LMNTD1: variants seen among roughly 807,000 people sequenced by gnomAD.
LMNTD1 encodes the protein lamin tail domain containing 1.
LMNTD1 carries 35 observed loss-of-function variants against 50.9 expected under a neutral mutation model. The observed-to-expected ratio is 0.69, with a 90% CI of 0.53 to 0.91. The LOEUF (loss-of-function observed/expected upper bound fraction) is 0.91. Ranked by LOEUF, LMNTD1 falls within the 40% of genes least tolerant of loss-of-function variation. LMNTD1 has a pLI of 0.00. For synonymous variants in LMNTD1, 153 were observed against 161.9 expected, an observed-to-expected ratio of 0.94 and a Z score of 0.42; for missense variants, 470 against 475.5, an observed-to-expected ratio of 0.99 and a Z score of 0.11.
rs544707839 is a variant in LMNTD1, at chr12:25,613,463, C to T, written c.58+35031G>A. On this transcript the variant is annotated intron_variant, in intron 1 of 7. Transcript: ENST00000445693. ...ATCTACTTCTTGCAGTTGTTATGAGCATTATATGGCATAAATTACACAAAA... is the reference window on the plus strand; with the variant it reads ...ATCTACTTCTTGCAGTTGTTATGAGTATTATATGGCATAAATTACACAAAA... 1.1e-4 allele frequency among the ~76,000 whole-genome samples: 17 copies of T among 152,246 alleles called. No homozygotes were observed. The East Asian group carries it at 2.1e-3, about 19-fold the overall frequency.
Position 25,552,866 on chromosome 12 carries a change from C to T in LMNTD1, c.89+5G>A. ...TCTGCTTCCATCGCATCTATGCATG[C>T]TCACTGTTTTTGTTTCTCATTCTTA... On this transcript the variant is annotated splice_donor_5th_base_variant and intron_variant, in intron 2 of 9. Transcript: ENST00000458174. The T allele has an allele frequency of 6.6e-7, 1 of 1,504,194 alleles. No individual in the cohort carries two copies. The highest frequency in any genetic ancestry group is 9.1e-7 in the Non-Finnish European group (1 of 1,103,702). The allele number at this position is 1,504,194 out of a possible 1,614,324, so 93.2% of individuals were successfully genotyped here.
intron 1 of LMNTD1, among the ~76,000 whole-genome samples, chr12:25,646,728 G>A (rs11829658): frequency 0.035 from 5,358 of 152,310 alleles, 355 homozygotes; most frequent in African/African-American, 0.12. Context: ...TCTAACAGTA[G>A]TAAGCTGCCA....
At chr12:25,558,480 G>A (rs781384675) in intron 1 of LMNTD1, among the ~76,000 whole-genome samples, 36 of 152,038 alleles carry the variant, frequency 2.4e-4, no homozygotes, top group Non-Finnish European at 4.1e-4. Flanking sequence ...TCCATTATTT[G>A]TTTCAAGAAA....
At chr12:25,516,223 T>G (rs1024371257) in intron 8 of LMNTD1, among the ~76,000 whole-genome samples, 1 of 152,102 alleles carries the variant, frequency 6.6e-6, no homozygotes, top group African/African-American at 2.4e-5. Context: ...TACTGAAAAT[T>G]AACTGAATGG....
rs200294602 is a variant in LMNTD1, at chr12:25,508,404, T to C, written c.1190-4604A>G. 1.3e-3 allele frequency among the ~76,000 whole-genome samples: 194 copies of C among 152,324 alleles called. 1 individual carries two copies. The highest frequency in any genetic ancestry group is 4.5e-3 in the African/African-American group (187 of 41,578). On this transcript the variant is annotated intron_variant, in intron 8 of 9. Transcript: ENST00000458174. ...AATACACATTCCTTTTTGTCTGACA[T>C]TTCTTGTTCAATAGTATGCTTATGA...
At chr12:25,617,963 G>A (rs1052278493) in intron 1 of LMNTD1, among the ~76,000 whole-genome samples, 2 of 152,108 alleles carry the variant, frequency 1.3e-5, no homozygotes. Context: ...AGGTGTCGTT[G>A]TTGTCCCCAT....
intron 2 of LMNTD1, 78 bp downstream of exon 2, chr12:25,552,791 CAA>C (rs1352663708): frequency 1.5e-5 from 13 of 841,254 alleles, no homozygotes; most frequent in Non-Finnish European, 2.3e-5. Context: ...AGTATTGAAA[CAA>C]AAGAGGTCAA....
chr12:25,595,723 C>A (rs545786414), intron 1 of LMNTD1, among the ~76,000 whole-genome samples: 3 of 151,888 alleles, frequency 2.0e-5, no homozygotes, highest in South Asian at 2.1e-4. Flanking sequence ...AGGAAATAAC[C>A]AACATCACAG....
intron 1 of LMNTD1, among the ~76,000 whole-genome samples, chr12:25,582,900 T>G (rs1265139543): frequency 6.6e-6 from 1 of 152,172 alleles, no homozygotes; most frequent in Non-Finnish European, 1.5e-5. Context: ...CAGGCTGGAG[T>G]GCAGTAGCAC....
intron 1 of LMNTD1, among the ~76,000 whole-genome samples, chr12:25,586,939 G>A (rs76420257): frequency 0.019 from 2,945 of 152,232 alleles, 69 homozygotes; most frequent in African/African-American, 0.06. Context: ...CTTCTCTGTA[G>A]CTTCATCTCT....
chr12:25,489,116 CAGT>C (rs1938779528), intron 9 of LMNTD1, among the ~76,000 whole-genome samples: 1 of 152,046 alleles, frequency 6.6e-6, no homozygotes, highest in South Asian at 2.1e-4. Context: ...GTGGAGCCTA[CAGT>C]GGCAGGCAGG....
At chr12:25,557,731 AC>A, upstream of LMNTD1, among the ~76,000 whole-genome samples, 1 of 152,326 alleles carries the variant, frequency 6.6e-6, no homozygotes, top group East Asian at 1.9e-4. Flanking sequence ...TTATGAAATC[AC>A]AACCACCAGC....
At chr12:25,603,439 T>A (rs563726359) in intron 1 of LMNTD1, among the ~76,000 whole-genome samples, 2 of 152,154 alleles carry the variant, frequency 1.3e-5, no homozygotes, top group South Asian at 4.1e-4. Context: ...AGAACCAATT[T>A]GACATTGGTA....
rs114779330 is a variant in LMNTD1 at position 25,615,754 on chromosome 12, C to T, written c.58+32740G>A. Among the ~76,000 whole-genome samples the T allele has an allele frequency of 3.6e-3, 554 of 152,256 alleles. 5 individuals carry two copies. Among genetic ancestry groups the T allele is most frequent in the African/African-American group, 0.013 (528 of 41,542 alleles). On this transcript the variant is annotated intron_variant, in intron 1 of 7. Coordinates refer to the LMNTD1 transcript ENST00000445693. ...GGGACTACAGGTGTGAGCCATGGCGCCCAGCCTAGTGTCATAAATTATTTC... is the reference window on the plus strand; with the variant it reads ...GGGACTACAGGTGTGAGCCATGGCGTCCAGCCTAGTGTCATAAATTATTTC...
chr12:25,606,695 G>T (rs1294409682), intron 1 of LMNTD1, among the ~76,000 whole-genome samples: 2 of 152,168 alleles, frequency 1.3e-5, no homozygotes, highest in African/African-American at 4.8e-5. Flanking sequence ...CTTGATCATG[G>T]TGGATAAGCT....
chr12:25,612,306 A>G, intron 1 of LMNTD1, among the ~76,000 whole-genome samples: 1 of 95,030 alleles, frequency 1.1e-5, no homozygotes. Flanking sequence ...ACACACACAC[A>G]CACACACACA....
intron 5 of LMNTD1, among the ~76,000 whole-genome samples, 167 bp downstream of exon 5, chr12:25,526,602 T>A (rs763549868): frequency 6.6e-6 from 1 of 152,136 alleles, no homozygotes; most frequent in Non-Finnish European, 1.5e-5. Context: ...TTAATTAACA[T>A]CCAGAAGATG....
chr12:25,479,000 T>C (rs1343702252), intron 9 of LMNTD1, among the ~76,000 whole-genome samples: 1 of 152,130 alleles, frequency 6.6e-6, no homozygotes, highest in African/African-American at 2.4e-5. Context: ...GGCATGGTAA[T>C]ACTAAGAGAT....
intron 1 of LMNTD1, among the ~76,000 whole-genome samples, chr12:25,579,025 G>A (rs959151920): frequency 6.6e-6 from 1 of 152,034 alleles, no homozygotes; most frequent in African/African-American, 2.4e-5. Context: ...ATAGCATTAC[G>A]CTCAGAAAAA....
Sources: allele counts gnomAD v4.1 joint callset (sites outside exome capture counted in the v4.1 genomes callset), GRCh38; gene constraint gnomAD v4.1.1; transcripts MANE v1.5; gene names NCBI Gene and HGNC (gene_info 2026-07-23, HGNC 2026-07-21).